Variants in ASPH observed in about 807,000 individuals in gnomAD.
ASPH encodes the protein aspartyl/asparaginyl beta-hydroxylase.
In ASPH, 100 loss-of-function variants were observed where a neutral mutation model predicts 118.4. The ratio of observed to expected loss-of-function variants is 0.84; its 90% CI spans 0.72 to 1.00. The LOEUF (loss-of-function observed/expected upper bound fraction) is 1.00. Among genes scored for constraint, ASPH ranks in the 50% least tolerant of loss-of-function variants. ASPH has a pLI of 0.00. For synonymous variants in ASPH, 315 were observed against 325.6 expected, an observed-to-expected ratio of 0.97 and a Z score of 0.35; for missense variants, 920 against 919.5, an observed-to-expected ratio of 1.00 and a Z score of -0.01.
intron 16 of ASPH, among the ~76,000 whole-genome samples, chr8:61,575,385 G>C (rs1002445297): frequency 6.6e-6 from 1 of 151,900 alleles, no homozygotes; most frequent in Admixed American, 6.6e-5. Context: ...ATACCACGTC[G>C]ACCCCCTCAC....
chr8:61,587,747 CCTGT>C (rs1563929449), intron 14 of ASPH, among the ~76,000 whole-genome samples: 2 of 152,076 alleles, frequency 1.3e-5, no homozygotes, highest in Non-Finnish European at 2.9e-5. Context: ...AACTATTGTA[CCTGT>C]CTTTGAAATT....
chr8:61,701,318 A>G (rs1364780763), intron 1 of ASPH, among the ~76,000 whole-genome samples: 3 of 152,218 alleles, frequency 2.0e-5, no homozygotes, highest in Non-Finnish European at 2.9e-5. Context: ...GTTTACTCCA[A>G]ATCAGTAAAA....
intron 24 of ASPH, among the ~76,000 whole-genome samples, chr8:61,512,751 T>G (rs1809389464): frequency 6.6e-6 from 1 of 152,210 alleles, no homozygotes; most frequent in Non-Finnish European, 1.5e-5. Context: ...AGTTAACGTA[T>G]GTAGAGTGCT....
chr8:61,553,697 T>C (rs1826843116), intron 19 of ASPH, among the ~76,000 whole-genome samples: 2 of 152,120 alleles, frequency 1.3e-5, no homozygotes, highest in Admixed American at 1.3e-4. Flanking sequence ...TCTAAAACAT[T>C]TACCTAATTC....
intron 13 of ASPH, among the ~76,000 whole-genome samples, chr8:61,630,887 G>C (rs1464859069): frequency 1.3e-5 from 2 of 152,174 alleles, no homozygotes; most frequent in Non-Finnish European, 2.9e-5. Flanking sequence ...TATCATAGGA[G>C]ATGACAACTC....
At position 61,714,539 on chromosome 8, in the gene ASPH, T is replaced by A. The variant is rs993022583; in HGVS notation, c.-168A>T. The A allele has an allele frequency of 1.9e-6, 2 of 1,042,740 alleles. No homozygotes were observed. Among genetic ancestry groups the A allele is most frequent in the African/African-American group, 3.3e-5 (2 of 59,730 alleles). 64.6% of individuals were successfully genotyped at this position (1,042,740 alleles called of 1,614,324 possible). On this transcript the variant is annotated 5_prime_UTR_variant, in exon 1 of 25. In the 5' UTR this introduces an upstream ATG that the reference lacks. Coordinates refer to ENST00000379454, the MANE Select transcript of ASPH (RefSeq NM_004318.4). ...CACCGCCTGCAGCACCTGGGAAGAC[T>A]TCACCCGCCTGCCGGCTGCGCGCGC...
intron 3 of ASPH, among the ~76,000 whole-genome samples, chr8:61,680,270 A>T (rs1827393758): frequency 6.6e-6 from 1 of 151,884 alleles, no homozygotes; most frequent in Non-Finnish European, 1.5e-5. Context: ...CTACATACAA[A>T]AGCAAAGGAA....
At chr8:61,518,964 A>G (rs183209533) in intron 22 of ASPH, among the ~76,000 whole-genome samples, 6 of 152,382 alleles carry the variant, frequency 3.9e-5, no homozygotes, top group Non-Finnish European at 1.5e-5. Context: ...GCAATTTACC[A>G]GAGAGAGGAA....
chr8:61,664,968 A>G, intron 3 of ASPH: 4 of 1,149,836 alleles, frequency 3.5e-6, no homozygotes, highest in Non-Finnish European at 4.3e-6. Context: ...TCAATATATT[A>G]ATCCATAAAA....
chr8:61,604,980 A>G (rs910705439), intron 14 of ASPH, among the ~76,000 whole-genome samples: 2 of 152,200 alleles, frequency 1.3e-5, no homozygotes, highest in Admixed American at 1.3e-4. Context: ...GCTGTTTTCA[A>G]ACTCAGTGTT....
chr8:61,653,041 C>A (rs148157980), intron 4 of ASPH, among the ~76,000 whole-genome samples: 77 of 152,268 alleles, frequency 5.1e-4, no homozygotes, highest in African/African-American at 1.6e-3. Flanking sequence ...GACTTTCCTA[C>A]CTATAGTCAT....
At chr8:61,646,313 T>C (rs1243226393) in intron 6 of ASPH, among the ~76,000 whole-genome samples, 1 of 152,166 alleles carries the variant, frequency 6.6e-6, no homozygotes, top group Non-Finnish European at 1.5e-5. Flanking sequence ...ATTTACTCTC[T>C]GGCTATTTAC....
Position 61,644,645 on chromosome 8 carries a change from AAAT to A in ASPH, c.620-16_620-14del. 1 of 1,583,604 alleles carries A rather than the reference AAAT, an allele frequency of 6.3e-7. No individual in the cohort carries two copies. The highest frequency in any genetic ancestry group is 8.6e-7 in the Non-Finnish European group (1 of 1,163,868). Reference sequence around the variant, plus strand: ...CTATGCTCGGTTTCTGGAAAAAAAAAAATTAGATTGATATTTACTGCTTTTACA... The same window carrying A: ...CTATGCTCGGTTTCTGGAAAAAAAAATAGATTGATATTTACTGCTTTTACA... On this transcript the variant is annotated splice_polypyrimidine_tract_variant and intron_variant, in intron 6 of 24. Transcript: ENST00000379454.
intron 16 of ASPH, among the ~76,000 whole-genome samples, chr8:61,569,107 A>G (rs1320082): frequency 0.89 from 135,051 of 152,264 alleles, 59,989 homozygotes; most frequent in Middle Eastern, 0.92. Context: ...CAGAACATAC[A>G]GGCACAGGTA....
intron 14 of ASPH, among the ~76,000 whole-genome samples, chr8:61,616,314 T>C: frequency 6.6e-6 from 1 of 152,098 alleles, no homozygotes. Flanking sequence ...AAGACTAGAA[T>C]GGGAGGTCTG....
chr8:61,630,165 A>G (rs1160370423), intron 13 of ASPH, among the ~76,000 whole-genome samples: 6 of 152,192 alleles, frequency 3.9e-5, no homozygotes, highest in Non-Finnish European at 8.8e-5. Flanking sequence ...AAGCTATATT[A>G]AGACTGTATA....
intron 10 of ASPH, among the ~76,000 whole-genome samples, chr8:61,639,808 C>T (rs1804226334): frequency 6.6e-6 from 1 of 152,152 alleles, no homozygotes; most frequent in South Asian, 2.1e-4. Context: ...GAACTGGACT[C>T]ATGAGCCCCT....
At chr8:61,638,235 C>T in intron 11 of ASPH, 87 bp downstream of exon 11, 1 of 1,487,804 alleles carries the variant, frequency 6.7e-7, no homozygotes, top group South Asian at 1.2e-5. Flanking sequence ...TTTTTCTACA[C>T]TGACTCTTTG....
intron 4 of ASPH, among the ~76,000 whole-genome samples, chr8:61,652,485 T>G (rs755409442): frequency 1.3e-5 from 2 of 152,146 alleles, no homozygotes; most frequent in African/African-American, 4.8e-5. Flanking sequence ...CCTTCTCTCC[T>G]CTGGAGGGGA....
Sources: gnomAD v4.1 joint callset for allele counts (sites outside exome capture counted in the v4.1 genomes callset) on GRCh38, gnomAD v4.1.1 for gene constraint, MANE v1.5 for transcripts, NCBI Gene and HGNC (gene_info 2026-07-23, HGNC 2026-07-21) for gene names.